Variants in GART observed in about 807,000 individuals in gnomAD.
GART encodes trifunctional purine biosynthetic protein adenosine-3.
In GART, 43 loss-of-function variants were observed where a neutral mutation model predicts 107.2. The observed-to-expected ratio is 0.40, with a 90% CI of 0.31 to 0.52. The LOEUF (loss-of-function observed/expected upper bound fraction) is 0.52. GART is among the 20% of genes least tolerant of loss of function. GART has a pLI of 0.52. For synonymous variants in GART, 434 were observed against 427.0 expected, an observed-to-expected ratio of 1.02 and a Z score of -0.20; for missense variants, 1,107 against 1,206.5, an observed-to-expected ratio of 0.92 and a Z score of 1.22.
At chr21:33,534,117 ATATT>A (rs2085254245) in intron 4 of GART, among the ~76,000 whole-genome samples, 1 of 152,170 alleles carries the variant, frequency 6.6e-6, no homozygotes, top group Non-Finnish European at 1.5e-5. Flanking sequence ...AACCCACATA[ATATT>A]TATTGAGAAA....
chr21:33,531,552 T>C lies in GART; in HGVS notation c.534A>G (p.Lys178=). 2 of 1,594,322 alleles carry C rather than the reference T, an allele frequency of 1.3e-6. No individual in the cohort carries two copies. The highest frequency in any genetic ancestry group is 1.7e-6 in the Non-Finnish European group (2 of 1,174,940). ...CKAVQEIMQE[K]AFGAAGETIV... ...TTGTTTCTCCAGCTGCCCCAAAGGCTTTCTCCTGATTGTAAGATTTTTTTT... is the reference window on the plus strand; with the variant it reads ...TTGTTTCTCCAGCTGCCCCAAAGGCCTTCTCCTGATTGTAAGATTTTTTTT... Residue 178 remains lysine, a synonymous_variant, in exon 6 of 22, where the codon AAA becomes AAG. Transcript: ENST00000381815.
chr21:33,509,180 T>G (rs2084739646), intron 18 of GART: 2 of 152,224 alleles, frequency 1.3e-5, no homozygotes, highest in Non-Finnish European at 2.9e-5. Context: ...AGGCCAGAGC[T>G]GGAAGCTGCA....
In GART at chr21:33,516,176, A is replaced by G. The variant is rs150116373; in HGVS notation, c.2107+813T>C. Among the ~76,000 whole-genome samples, 32 of 145,832 alleles carry G rather than the reference A, an allele frequency of 2.2e-4. No homozygotes were observed. The East Asian group carries it at 6.5e-3, about 30-fold the overall frequency. On this transcript the variant is annotated intron_variant, in intron 16 of 21. Transcript: ENST00000381815. ...GGCAGGATAATCGCTTGAACCCAGG[A>G]GGCAGAGTTTGCAGTGAGCTGAGAT... is the stretch of plus-strand genomic sequence containing the variant.
At chr21:33,521,037 A>G (rs2834233) in intron 12 of GART, 22 bp from the exon 13 acceptor site, 185,128 of 1,555,350 alleles carry the variant, frequency 0.12, 16,092 homozygotes, top group East Asian at 0.48. Flanking sequence ...GAAATTAATT[A>G]CTTGCTACAT....
chr21:33,516,897 T>C, intron 16 of GART, 92 bp downstream of exon 16: 6 of 1,095,160 alleles, frequency 5.5e-6, no homozygotes, highest in Non-Finnish European at 7.9e-6. Flanking sequence ...CCATGTGTAA[T>C]CATGTGTACA....
chr21:33,535,640 TA>T (rs2085290478), intron 2 of GART, among the ~76,000 whole-genome samples: 4 of 152,282 alleles, frequency 2.6e-5, no homozygotes, highest in Admixed American at 2.0e-4. Flanking sequence ...ACAAAAAACG[TA>T]AGATATACTC....
intron 16 of GART, among the ~76,000 whole-genome samples, chr21:33,513,756 G>A (rs2084830628): frequency 6.6e-6 from 1 of 152,108 alleles, no homozygotes. Context: ...TGGTACATCT[G>A]TAAAATGGAA....
At chr21:33,538,656 T>C (rs1267822218) in intron 2 of GART, among the ~76,000 whole-genome samples, 1 of 152,218 alleles carries the variant, frequency 6.6e-6, no homozygotes, top group Non-Finnish European at 1.5e-5. Context: ...TTTAAAACAG[T>C]TTAAGATAAG....
At chr21:33,525,398 A>G (rs574066486) in intron 10 of GART, among the ~76,000 whole-genome samples, 1 of 152,080 alleles carries the variant, frequency 6.6e-6, no homozygotes, top group East Asian at 1.9e-4. Flanking sequence ...AAAATTAAAG[A>G]TCTTTCTCTC....
At position 33,509,839 on chromosome 21, in the gene GART, T is replaced by A. The variant is rs761217008; in HGVS notation, c.2396A>T (p.Asn799Ile). The A allele has an allele frequency of 1.2e-6, 2 of 1,613,598 alleles. No individual in the cohort carries two copies. Among genetic ancestry groups the A allele is most frequent in the South Asian group, 2.2e-5 (2 of 91,060 alleles). The stretch of plus-strand genomic sequence containing the variant: ...CTTTTTTTTTTCAAAAGAGAAATGA[T>A]TTGTCAGGGAGCCATTCTTCAACAC... Reference protein sequence around the residue: ...GSVLKNGSLTNHFSFEKKKAR... With the variant: ...GSVLKNGSLTIHFSFEKKKAR... The change falls in exon 18 of 22, where the codon AAT (asparagine) becomes ATT (isoleucine). Residue 799 changes from asparagine to isoleucine, a missense_variant. Coordinates refer to ENST00000381815, the MANE Select transcript of GART (RefSeq NM_000819.5).
chr21:33,505,773 C>T lies in GART; in HGVS notation c.2584-71G>A, dbSNP rs550452852. 4.2e-5 allele frequency: 59 copies of T among 1,415,750 alleles called. No homozygotes were observed. The African/African-American group carries it at 8.2e-4, about 20-fold the overall frequency. 87.7% of individuals were successfully genotyped at this position (1,415,750 alleles called of 1,614,324 possible). ...AAAATAATTAAAAACTCAACCTTTA[C>T]ACAGACCATACTTCACTTCCTTGTA... On this transcript the variant is annotated intron_variant, in intron 19 of 21. Transcript: ENST00000381815.
At chr21:33,509,959 T>G in intron 17 of GART, 39 bp from the exon 18 acceptor site, 1 of 1,564,530 alleles carries the variant, frequency 6.4e-7, no homozygotes, top group Non-Finnish European at 8.7e-7. Context: ...TAAAGAACAA[T>G]TGTGAATTAA....
At chr21:33,513,532 T>C (rs1458926987) in intron 16 of GART, among the ~76,000 whole-genome samples, 2 of 152,036 alleles carry the variant, frequency 1.3e-5, no homozygotes, top group Admixed American at 6.6e-5. Flanking sequence ...ATCGCACTAC[T>C]GTACTCCAGC....
intron 1 of GART, among the ~76,000 whole-genome samples, chr21:33,540,439 A>C (rs1193229075): frequency 1.3e-5 from 2 of 152,256 alleles, no homozygotes; most frequent in East Asian, 3.8e-4. Context: ...GCTGTACAAA[A>C]GCAGGCAGCA....
At chr21:33,537,113 G>A (rs573430155) in intron 2 of GART, among the ~76,000 whole-genome samples, 2 of 152,268 alleles carry the variant, frequency 1.3e-5, no homozygotes, top group African/African-American at 2.4e-5. Flanking sequence ...ATAGCAGAGG[G>A]CAACAAGAGG....
At position 33,517,450 on chromosome 21, in the gene GART, T is replaced by A. The variant is rs1319678385; in HGVS notation, c.1861A>T (p.Ser621Cys). The part of the protein sequence containing the change: ...VVGIASSGLH[S>C]NGFSLVRKIV... ...TTCCTCACAAGGCTAAATCCATTGC[T>A]ATGAAGACCAGATGAAGCTATTCCA... Residue 621 changes from serine to cysteine, a missense_variant, in exon 15 of 22, where the codon AGC becomes TGC. Ser to Cys is a moderately radical substitution (Grantham distance 112, BLOSUM62 -1). Coordinates refer to ENST00000381815, the MANE Select transcript of GART (RefSeq NM_000819.5). The A allele has an allele frequency of 1.9e-6, 3 of 1,614,220 alleles. No homozygotes were observed. Among genetic ancestry groups the A allele is most frequent in the Non-Finnish European group, 2.5e-6 (3 of 1,180,050 alleles).
chr21:33,517,528 G>C lies in GART; in HGVS notation c.1783C>G (p.Arg595Gly). Residue 595 changes from arginine to glycine, a missense_variant, in exon 15 of 22, where the codon CGA (arginine) becomes GGA (glycine). By Grantham distance (125) the Arg-to-Gly change is moderately radical. Coordinates refer to ENST00000381815, the MANE Select transcript of GART (RefSeq NM_000819.5). ...TCCAGGTGAGGGAGTTTCTGATCTC[G>C]CTCCATGGCACCAACGGCAAACCCA... Reference protein sequence around the residue: ...LAGFAVGAMERDQKLPHLERI... With the variant: ...LAGFAVGAMEGDQKLPHLERI... 1 of 1,614,086 alleles carries C rather than the reference G, an allele frequency of 6.2e-7. No individual in the cohort carries two copies. The highest frequency in any genetic ancestry group is 8.5e-7 in the Non-Finnish European group (1 of 1,180,014).
intron 3 of GART, among the ~76,000 whole-genome samples, 200 bp from the exon 4 acceptor site, chr21:33,534,953 TA>T (rs2085275818): frequency 6.6e-6 from 1 of 152,210 alleles, no homozygotes; most frequent in Admixed American, 6.5e-5. Context: ...CAAAAGTTGT[TA>T]TATTTGCATA....
In GART at chr21:33,542,063, A is replaced by G. The variant is rs995786837; in HGVS notation, c.-42+2T>C. The G allele has an allele frequency of 3.9e-5, 6 of 152,242 alleles. No individual in the cohort carries two copies. The highest frequency in any genetic ancestry group is 3.3e-4 in the Admixed American group (5 of 15,284). 9.4% of individuals were successfully genotyped at this position (152,242 alleles called of 1,614,324 possible). ...GTGTAAAAGCGGAGGGGGTTTACGC[A>G]CCGACACCGGGTGGCCACCTGGTTC... is the stretch of plus-strand genomic sequence containing the variant. On this transcript the variant is annotated splice_donor_variant, in intron 1 of 21. Coordinates refer to ENST00000381815, the MANE Select transcript of GART (RefSeq NM_000819.5). LOFTEE classifies it low-confidence loss of function (5UTR_SPLICE).
Sources: allele counts gnomAD v4.1 joint callset (sites outside exome capture counted in the v4.1 genomes callset), GRCh38; gene constraint gnomAD v4.1.1; transcripts MANE v1.5; gene names NCBI Gene and HGNC (gene_info 2026-07-23, HGNC 2026-07-21).